ELF1: variants seen among roughly 807,000 people sequenced by gnomAD.
ELF1 encodes E74 like ETS transcription factor 1, also known as ETS-related transcription factor Elf-1.
In ELF1, 24 loss-of-function variants were observed where a neutral mutation model predicts 59.9. The ratio of observed to expected loss-of-function variants is 0.40; its 90% CI spans 0.29 to 0.56. The LOEUF (loss-of-function observed/expected upper bound fraction) is 0.56, where lower values mean the gene tolerates loss of function less well. ELF1 is among the 20% of genes least tolerant of loss of function. ELF1 has a pLI of 0.44. For synonymous variants in ELF1, 248 were observed against 266.2 expected (o/e 0.93, Z 0.67); for missense variants, 627 against 742.2 (o/e 0.84, Z 1.80).
Position 40,941,703 on chromosome 13 carries a change from G to A in ELF1, c.807-333C>T, listed in dbSNP as rs541970318. Among the ~76,000 whole-genome samples, 3 of 152,242 alleles carry A rather than the reference G, an allele frequency of 2.0e-5. No individual in the cohort carries two copies. In the East Asian group the frequency reaches 5.8e-4, roughly 29 times the overall value. On this transcript the variant is annotated intron_variant, in intron 7 of 8. Coordinates refer to ENST00000239882, the MANE Select transcript of ELF1 (RefSeq NM_172373.4). ...GACAGAGTCTTGCTCTGTTGCCCAG[G>A]CTGGAGTGCAGTGGCATGATCACAG...
chr13:41,021,733 A>C (rs2138394632), upstream of ELF1, among the ~76,000 whole-genome samples: 1 of 152,376 alleles, frequency 6.6e-6, no homozygotes, highest in South Asian at 2.1e-4. Flanking sequence ...TTCACAACTC[A>C]AAAATAGGAA....
At chr13:41,049,256 T>G (rs1876987354) in intron 1 of ELF1, among the ~76,000 whole-genome samples, 2 of 152,170 alleles carry the variant, frequency 1.3e-5, no homozygotes, top group African/African-American at 4.8e-5. Flanking sequence ...TCAATTACCC[T>G]TGACAATTCT....
At chr13:40,968,337 C>A (rs1191151023) in intron 2 of ELF1, among the ~76,000 whole-genome samples, 1 of 152,166 alleles carries the variant, frequency 6.6e-6, no homozygotes, top group Non-Finnish European at 1.5e-5. Flanking sequence ...ATTAGGGTGA[C>A]TGGTGAACAA....
In ELF1 at chr13:40,943,405, G is replaced by T. The variant is rs553380935; in HGVS notation, c.614-261C>A. Among the ~76,000 whole-genome samples, 14 of 152,266 alleles carry T rather than the reference G, an allele frequency of 9.2e-5. No homozygotes were observed. The South Asian group carries it at 2.9e-3, about 32-fold the overall frequency. On this transcript the variant is annotated intron_variant, in intron 6 of 8. Transcript: ENST00000239882. ...TCATAAGATTTGTGATGATTTAGGA[G>T]AAAGTACTTTGAGATAATTTTTTTC...
In ELF1 at chr13:40,941,266, G is replaced by A; in HGVS notation, c.911C>T (p.Pro304Leu). Residue 304 changes from proline (P) to leucine (L), a missense_variant, in exon 8 of 9, where the codon CCA (proline) becomes CTA (leucine). Pro to Leu is a moderately conservative substitution (Grantham distance 98). Transcript: ENST00000239882. ...ATCTGAAGACTCTATGCTGGAACTT[G>A]GATCCTCATCATTTATATATATAAG... ...KDLIYINDED[P>L]SSSIESSDPS... 1.1e-5 allele frequency: 18 copies of A among 1,614,070 alleles called. No individual in the cohort carries two copies. Among genetic ancestry groups the A allele is most frequent in the Non-Finnish European group, 1.5e-5 (18 of 1,179,990 alleles).
At chr13:40,966,996 A>G (rs374571143) in intron 2 of ELF1, among the ~76,000 whole-genome samples, 2 of 152,202 alleles carry the variant, frequency 1.3e-5, no homozygotes, top group East Asian at 1.9e-4. Flanking sequence ...ACAGTCTTCA[A>G]CAGCTCCCCT....
chr13:40,983,094 C>T (rs968468079), intron 1 of ELF1, among the ~76,000 whole-genome samples: 5 of 151,768 alleles, frequency 3.3e-5, no homozygotes, highest in African/African-American at 1.2e-4. Flanking sequence ...AGATGTTTGC[C>T]TATTTAAAAA....
intron 1 of ELF1, among the ~76,000 whole-genome samples, chr13:41,028,528 T>C (rs1449850767): frequency 6.6e-6 from 1 of 152,154 alleles, no homozygotes; most frequent in African/African-American, 2.4e-5. Context: ...AAGGCAGTAA[T>C]CAATGCCAGC....
intron 8 of ELF1, among the ~76,000 whole-genome samples, chr13:40,936,506 C>A (rs1016263472): frequency 1.7e-4 from 26 of 152,086 alleles, no homozygotes; most frequent in African/African-American, 5.8e-4. Context: ...GTAATCCTAG[C>A]ACTTTGGGAG....
intron 1 of ELF1, among the ~76,000 whole-genome samples, chr13:40,983,846 G>T (rs1218699605): frequency 6.6e-6 from 1 of 151,926 alleles, no homozygotes; most frequent in Non-Finnish European, 1.5e-5. Flanking sequence ...ATTCAGTCTT[G>T]CCTCTTTTCT....
chr13:41,003,765 A>T (rs1355302875), intron 1 of ELF1, among the ~76,000 whole-genome samples: 2 of 152,202 alleles, frequency 1.3e-5, no homozygotes, highest in African/African-American at 2.4e-5. Context: ...TTTGATGCTT[A>T]GCGAGCTAAA....
intron 2 of ELF1, among the ~76,000 whole-genome samples, chr13:40,971,070 C>T (rs1872519727): frequency 6.6e-6 from 1 of 152,102 alleles, no homozygotes; most frequent in Admixed American, 6.5e-5. Flanking sequence ...CAATCTGACT[C>T]TAGAGTCCAC....
chr13:40,981,558 T>C (rs1288548082), intron 2 of ELF1, among the ~76,000 whole-genome samples: 1 of 152,138 alleles, frequency 6.6e-6, no homozygotes, highest in African/African-American at 2.4e-5. Flanking sequence ...TCACATGCTT[T>C]GGACTGAAAT....
At chr13:41,050,942 T>TC (rs1210904616) in intron 1 of ELF1, among the ~76,000 whole-genome samples, 14 of 152,228 alleles carry the variant, frequency 9.2e-5, no homozygotes, top group Non-Finnish European at 2.1e-4. Flanking sequence ...TACAAGAGTT[T>TC]CAGTTTCTTC....
At chr13:40,994,085 T>C (rs1874014262) in intron 1 of ELF1, among the ~76,000 whole-genome samples, 1 of 151,744 alleles carries the variant, frequency 6.6e-6, no homozygotes, top group African/African-American at 2.4e-5. Flanking sequence ...GACAACCAGG[T>C]GAAAAGTTCC....
chr13:41,032,948 C>T (rs1343476642), intron 1 of ELF1, among the ~76,000 whole-genome samples: 1 of 152,030 alleles, frequency 6.6e-6, no homozygotes, highest in East Asian at 1.9e-4. Flanking sequence ...TCATAATGTC[C>T]TACGGACTGA....
chr13:41,054,987 C>T (rs1485354656), intron 1 of ELF1, among the ~76,000 whole-genome samples: 1 of 152,194 alleles, frequency 6.6e-6, no homozygotes, highest in Non-Finnish European at 1.5e-5. Context: ...ATAGACCTTG[C>T]TTGCCACTTC....
intron 3 of ELF1, among the ~76,000 whole-genome samples, chr13:40,953,770 A>G (rs1001648991): frequency 1.3e-5 from 2 of 152,200 alleles, no homozygotes; most frequent in African/African-American, 4.8e-5. Context: ...GGAATAACGA[A>G]GATTACAAGG....
At chr13:41,026,118 G>A (rs1046838911) in intron 1 of ELF1, among the ~76,000 whole-genome samples, 2 of 152,178 alleles carry the variant, frequency 1.3e-5, no homozygotes, top group African/African-American at 4.8e-5. Flanking sequence ...TGAGCAACGA[G>A]TAGCAACTAC....
Sources: allele counts gnomAD v4.1 joint callset (sites outside exome capture counted in the v4.1 genomes callset), GRCh38; gene constraint gnomAD v4.1.1; transcripts MANE v1.5; gene names NCBI Gene and HGNC (gene_info 2026-07-23, HGNC 2026-07-21).